SEC14L5: variants seen among roughly 807,000 people sequenced by gnomAD.
The protein encoded by SEC14L5 is SEC14-like protein 5.
In SEC14L5, 96 loss-of-function variants were observed where a neutral mutation model predicts 84.6. That is an observed-to-expected ratio of 1.13 (90% CI 0.96 to 1.34). The LOEUF (loss-of-function observed/expected upper bound fraction) is 1.34. Among genes scored for constraint, SEC14L5 ranks in the 40% most tolerant of loss-of-function variants. The pLI is 0.00. For missense variants in SEC14L5, 1,224 were observed against 942.5 expected (o/e 1.30, Z -3.91); for synonymous variants, 546 against 383.4 (o/e 1.42, Z -4.95).
rs1462591883 is a variant in SEC14L5, at chr16:4,958,339, C to A, written c.-158C>A. Reference sequence around the variant, plus strand: ...CCCGGGTCCTGGAGCTCTCTCGGCCCGGCAGGTTTCGCTCCCGCCCCTCCG... The same window carrying A: ...CCCGGGTCCTGGAGCTCTCTCGGCCAGGCAGGTTTCGCTCCCGCCCCTCCG... On this transcript the variant is annotated 5_prime_UTR_variant, in exon 1 of 16. Transcript: ENST00000251170. 1 of 152,520 alleles carries A rather than the reference C, an allele frequency of 6.6e-6. No individual in the cohort carries two copies. The highest frequency in any genetic ancestry group is 1.9e-4 in the East Asian group (1 of 5,184). 9.4% of individuals were successfully genotyped at this position (152,520 alleles called of 1,614,324 possible).
chr16:5,005,863 CAAAA>C (rs55930593), intron 11 of SEC14L5, 47 bp from the exon 12 acceptor site: 999 of 1,229,944 alleles, frequency 8.1e-4, no homozygotes, highest in East Asian at 1.9e-3. Flanking sequence ...GACTCCGTCT[CAAAA>C]AAAAAAAAAA....
At chr16:4,987,233 G>C (rs534050375) in intron 2 of SEC14L5, among the ~76,000 whole-genome samples, 1 of 146,352 alleles carries the variant, frequency 6.8e-6, no homozygotes, top group Non-Finnish European at 1.5e-5. Context: ...AAGGGGTGTT[G>C]GATTTTTCTC....
At chr16:4,968,632 C>T (rs558335602) in intron 2 of SEC14L5, among the ~76,000 whole-genome samples, 1 of 152,310 alleles carries the variant, frequency 6.6e-6, no homozygotes, top group South Asian at 2.1e-4. Context: ...CCTTGACTTT[C>T]CATAAACATT....
intron 6 of SEC14L5, among the ~76,000 whole-genome samples, chr16:4,992,750 C>G (rs538215326): frequency 1.3e-5 from 2 of 152,116 alleles, no homozygotes; most frequent in African/African-American, 2.4e-5. Flanking sequence ...GTAAGAAGTA[C>G]GATTCTTTTC....
At position 5,018,425 on chromosome 16, in the gene SEC14L5, G is replaced by C. The variant is rs1451517762; in HGVS notation, c.*3455G>C. The C allele has an allele frequency of 6.6e-6, 1 of 152,248 alleles. No homozygotes were observed. The highest frequency in any genetic ancestry group is 2.4e-5 in the African/African-American group (1 of 41,440). 9.4% of individuals were successfully genotyped at this position (152,248 alleles called of 1,614,324 possible). On this transcript the variant is annotated 3_prime_UTR_variant, in exon 16 of 16. Coordinates refer to ENST00000251170, the MANE Select transcript of SEC14L5 (RefSeq NM_014692.2). ...CTCATGCCTATAATCCCAACACTTT[G>C]GGAGGCTGAGGCCGGCTGATCGCTT...
At position 4,995,624 on chromosome 16, in the gene SEC14L5, CT is replaced by C. The variant is rs36027978; in HGVS notation, c.668-704del. ...TCAGTTTTATCTTCTCTCTCTCTCTCTTTTTTTTTTTTTTTTTTTTAAGACG... is the reference window on the plus strand; with the variant it reads ...TCAGTTTTATCTTCTCTCTCTCTCTCTTTTTTTTTTTTTTTTTTTAAGACG... On this transcript the variant is annotated intron_variant, in intron 6 of 15. Coordinates refer to ENST00000251170, the MANE Select transcript of SEC14L5 (RefSeq NM_014692.2). Among the ~76,000 whole-genome samples the C allele has an allele frequency of 6.6e-3, 853 of 128,516 alleles. 9 individuals carry two copies. The highest frequency in any genetic ancestry group is 0.02 in the African/African-American group (672 of 33,704). The allele number at this position is 128,516 out of a possible 152,430, so 84.3% of individuals were successfully genotyped here. A position where few individuals can be genotyped will look rare whatever the true frequency, so the allele number is the denominator to read the frequency against.
intron 2 of SEC14L5, among the ~76,000 whole-genome samples, chr16:4,966,267 C>CTTT (rs1019686741): frequency 8.6e-4 from 68 of 78,774 alleles, no homozygotes; most frequent in African/African-American, 1.0e-3. Flanking sequence ...CGCCCGGCCT[C>CTTT]TTTTTTTTTT....
intron 2 of SEC14L5, among the ~76,000 whole-genome samples, chr16:4,983,645 G>C (rs1955452756): frequency 6.6e-6 from 1 of 151,614 alleles, no homozygotes; most frequent in Non-Finnish European, 1.5e-5. Flanking sequence ...GGGAGGCCGA[G>C]GTGGACGGAT....
At chr16:4,971,483 C>T (rs1006640497) in intron 2 of SEC14L5, among the ~76,000 whole-genome samples, 6 of 152,072 alleles carry the variant, frequency 3.9e-5, no homozygotes, top group Non-Finnish European at 7.4e-5. Context: ...ATAACAACAA[C>T]AACCAAAAAA....
chr16:5,008,674 C>G, intron 14 of SEC14L5, 26 bp downstream of exon 14: 2 of 1,585,094 alleles, frequency 1.3e-6, no homozygotes, highest in South Asian at 1.1e-5. Context: ...ACCACTCATT[C>G]GCTCACCAAG....
chr16:4,989,521 A>G (rs894170533), intron 4 of SEC14L5, among the ~76,000 whole-genome samples: 6 of 151,824 alleles, frequency 4.0e-5, no homozygotes, highest in Admixed American at 6.6e-5. Flanking sequence ...TGATTTTTGT[A>G]TTTTTAGTAG....
At chr16:4,976,875 G>C (rs182844379) in intron 2 of SEC14L5, among the ~76,000 whole-genome samples, 52 of 152,364 alleles carry the variant, frequency 3.4e-4, no homozygotes, top group African/African-American at 1.2e-3. Flanking sequence ...GGTCTCATTT[G>C]TGGGTGGTCA....
intron 13 of SEC14L5, among the ~76,000 whole-genome samples, chr16:5,008,007 A>C (rs1197468961): frequency 6.7e-6 from 1 of 149,740 alleles, no homozygotes; most frequent in Non-Finnish European, 1.5e-5. Context: ...TCCCAGGTTC[A>C]AGTGATTCTT....
At chr16:4,996,512 C>A in intron 7 of SEC14L5, 52 bp downstream of exon 7, 1 of 943,790 alleles carries the variant, frequency 1.1e-6, no homozygotes. Flanking sequence ...ATGACTGGTA[C>A]TCAGCCTCCG....
chr16:4,976,918 G>A (rs987671219), intron 2 of SEC14L5, among the ~76,000 whole-genome samples: 4 of 152,186 alleles, frequency 2.6e-5, no homozygotes, highest in Admixed American at 1.3e-4. Flanking sequence ...CGGCAGCTGA[G>A]GCTCTTAGGC....
At chr16:4,997,489 C>G (rs1955625186) in intron 8 of SEC14L5, among the ~76,000 whole-genome samples, 1 of 152,186 alleles carries the variant, frequency 6.6e-6, no homozygotes, top group Non-Finnish European at 1.5e-5. Flanking sequence ...TTTGAAGTGA[C>G]AACCTAGCTA....
intron 13 of SEC14L5, 115 bp downstream of exon 13, chr16:5,007,601 T>C: frequency 1.1e-6 from 1 of 883,790 alleles, no homozygotes; most frequent in South Asian, 1.9e-5. Context: ...TTTCTTTCTT[T>C]CTTTCTTTTT....
Position 5,006,980 on chromosome 16 carries a change from C to G in SEC14L5, c.1438-372C>G, listed in dbSNP as rs116572508. Among the ~76,000 whole-genome samples the G allele has an allele frequency of 5.2e-3, 797 of 152,190 alleles. 3 individuals carry two copies. The highest frequency in any genetic ancestry group is 0.018 in the African/African-American group (757 of 41,522). ...CCCCGCCTGTGACGGGGAGAGGCAG[C>G]TGCTATGGGGTGCGGTGTGGAGAGG... is the stretch of plus-strand genomic sequence containing the variant. On this transcript the variant is annotated intron_variant, in intron 12 of 15. Transcript: ENST00000251170.
At chr16:5,009,744 G>T (rs939056975) in intron 14 of SEC14L5, among the ~76,000 whole-genome samples, 11 of 152,152 alleles carry the variant, frequency 7.2e-5, no homozygotes, top group African/African-American at 2.4e-4. Flanking sequence ...CAAGCAGGGG[G>T]AAGGATGAGC....
Sources: gnomAD v4.1 joint callset for allele counts (sites outside exome capture counted in the v4.1 genomes callset) on GRCh38, gnomAD v4.1.1 for gene constraint, MANE v1.5 for transcripts, NCBI Gene and HGNC (gene_info 2026-07-23, HGNC 2026-07-21) for gene names.